Variants in TASP1 observed in about 807,000 individuals in gnomAD.
TASP1 encodes the protein taspase 1.
TASP1 carries 16 observed loss-of-function variants against 56.6 expected under a neutral mutation model. The observed-to-expected ratio is 0.28, with a 90% CI of 0.19 to 0.43. The LOEUF is 0.43. TASP1 is among the 20% of genes least tolerant of loss of function. TASP1 has a pLI of 1.00. For synonymous variants in TASP1, 179 were observed against 184.2 expected, an observed-to-expected ratio of 0.97 and a Z score of 0.23; for missense variants, 393 against 511.6, an observed-to-expected ratio of 0.77 and a Z score of 2.24.
chr20:13,394,144 T>G (rs1471300909), intron 13 of TASP1, among the ~76,000 whole-genome samples: 2 of 148,590 alleles, frequency 1.3e-5, no homozygotes, highest in Non-Finnish European at 3.0e-5. Flanking sequence ...ATTAGCTGGG[T>G]GTGGTGGTGC....
chr20:13,105,004 A>AT, the TASP1 span, among the ~76,000 whole-genome samples: 2 of 152,090 alleles, frequency 1.3e-5, no homozygotes, highest in African/African-American at 2.4e-5. Context: ...AAGCATCATT[A>AT]TTTTAAAAAA....
the TASP1 span, among the ~76,000 whole-genome samples, chr20:13,193,248 AC>A: frequency 6.6e-6 from 1 of 152,206 alleles, no homozygotes; most frequent in African/African-American, 2.4e-5. Context: ...TGTTAATGTG[AC>A]TATTATATCA....
the TASP1 span, among the ~76,000 whole-genome samples, chr20:13,163,905 T>A: frequency 2.1e-3 from 316 of 152,302 alleles, 4 homozygotes; most frequent in East Asian, 0.055. Flanking sequence ...ACCTTTTTTT[T>A]ATTTTATTAT....
chr20:13,220,835 A>G, the TASP1 span, among the ~76,000 whole-genome samples: 2 of 151,844 alleles, frequency 1.3e-5, no homozygotes, highest in South Asian at 2.1e-4. Flanking sequence ...CATCACTGCA[A>G]CTCCAGCTCC....
At chr20:13,161,942 T>C in the TASP1 span, among the ~76,000 whole-genome samples, 4 of 152,214 alleles carry the variant, frequency 2.6e-5, no homozygotes, top group South Asian at 8.3e-4. Flanking sequence ...TTGAGTAGCA[T>C]GTTAACAACT....
chr20:13,560,718 G>T (rs1411234564), intron 7 of TASP1, among the ~76,000 whole-genome samples: 1 of 152,064 alleles, frequency 6.6e-6, no homozygotes, highest in Admixed American at 6.6e-5. Flanking sequence ...GTCTCATGGG[G>T]CCCTTGCATA....
chr20:13,532,704 T>C (rs1359308324), intron 9 of TASP1, among the ~76,000 whole-genome samples: 1 of 152,130 alleles, frequency 6.6e-6, no homozygotes, highest in Non-Finnish European at 1.5e-5. Flanking sequence ...CTATCCTTAG[T>C]TCTGTTGTTG....
the TASP1 span, among the ~76,000 whole-genome samples, chr20:13,371,328 G>A: frequency 1.3e-5 from 2 of 151,954 alleles, no homozygotes; most frequent in Non-Finnish European, 1.5e-5. Context: ...TGCTTTCACC[G>A]CATCCCCTAA....
At chr20:13,131,676 C>G in the TASP1 span, among the ~76,000 whole-genome samples, 13 of 152,204 alleles carry the variant, frequency 8.5e-5, 1 homozygote, top group Non-Finnish European at 1.3e-4. Flanking sequence ...CCAACACTCT[C>G]TCTATCACCT....
At chr20:13,179,441 A>G in the TASP1 span, among the ~76,000 whole-genome samples, 256 of 73,206 alleles carry the variant, frequency 3.5e-3, no homozygotes, top group African/African-American at 0.011. Context: ...GTGTGTGTGT[A>G]TAATCTTCCA....
the TASP1 span, among the ~76,000 whole-genome samples, chr20:13,360,874 C>A: frequency 6.6e-6 from 1 of 152,288 alleles, no homozygotes; most frequent in East Asian, 1.9e-4. Context: ...ACCTGACATT[C>A]ACATTTCCCC....
At chr20:13,221,929 G>A in the TASP1 span, 3 of 1,325,500 alleles carry the variant, frequency 2.3e-6, no homozygotes, top group Admixed American at 4.1e-5. Context: ...GTGCGCCGCC[G>A]GAGAGGGCCG....
the TASP1 span, chr20:13,270,479 G>A: frequency 2.6e-3 from 4,135 of 1,595,698 alleles, 99 homozygotes; most frequent in African/African-American, 0.05. Context: ...TCCTTAACAG[G>A]TGTTTGCTTG....
At chr20:13,440,666 T>C (rs2043182627) in intron 11 of TASP1, among the ~76,000 whole-genome samples, 2 of 144,618 alleles carry the variant, frequency 1.4e-5, no homozygotes, top group African/African-American at 5.1e-5. Context: ...ATATAAACTC[T>C]CATACTGATA....
At chr20:13,494,658 G>T (rs1488988625) in intron 10 of TASP1, among the ~76,000 whole-genome samples, 1 of 152,040 alleles carries the variant, frequency 6.6e-6, no homozygotes, top group East Asian at 1.9e-4. Flanking sequence ...CTAGTAACAT[G>T]CTCATTCCAT....
At chr20:13,145,173 C>A in the TASP1 span, among the ~76,000 whole-genome samples, 1 of 152,060 alleles carries the variant, frequency 6.6e-6, no homozygotes, top group Non-Finnish European at 1.5e-5. Flanking sequence ...ATAAAGGGCA[C>A]CCAAATAGGA....
intron 8 of TASP1, among the ~76,000 whole-genome samples, chr20:13,551,841 A>T (rs1440280533): frequency 6.6e-6 from 1 of 152,230 alleles, no homozygotes. Flanking sequence ...CAAACAATAA[A>T]TTTAAAACAG....
At chr20:13,361,252 G>A in the TASP1 span, among the ~76,000 whole-genome samples, 3 of 152,108 alleles carry the variant, frequency 2.0e-5, no homozygotes, top group Admixed American at 6.5e-5. Flanking sequence ...ATAGGTACAG[G>A]CCTTCCCTAT....
chr20:13,297,179 G>A, the TASP1 span, among the ~76,000 whole-genome samples: 16 of 152,334 alleles, frequency 1.1e-4, no homozygotes, highest in South Asian at 3.1e-3. Flanking sequence ...TATGGGGAAA[G>A]GGCGTTCTTT....
Sources: allele counts gnomAD v4.1 joint callset (sites outside exome capture counted in the v4.1 genomes callset), GRCh38; gene constraint gnomAD v4.1.1; transcripts MANE v1.5; gene names NCBI Gene and HGNC (gene_info 2026-07-23, HGNC 2026-07-21).